The following HIBCH variants were observed in gnomAD, a reference collection of about 807,000 sequenced individuals.
HIBCH encodes the protein 3-hydroxyisobutyryl-CoA hydrolase, also known as 3-hydroxyisobutyryl-CoA hydrolase, mitochondrial.
In HIBCH, 50 loss-of-function variants were observed where a neutral mutation model predicts 58.2. That is an observed-to-expected ratio of 0.86 (90% CI 0.68 to 1.09). The LOEUF is 1.09. Ranked by LOEUF, HIBCH falls within the 50% of genes least tolerant of loss-of-function variation. The pLI, the probability that HIBCH is intolerant of heterozygous loss-of-function variation, is 0.00. For synonymous variants in HIBCH, 151 were observed against 146.9 expected (o/e 1.03, Z -0.20); for missense variants, 450 against 449.7 (o/e 1.00, Z -0.01).
intron 1 of HIBCH, among the ~76,000 whole-genome samples, chr2:190,191,261 G>A (rs778778359): frequency 2.2e-4 from 34 of 152,024 alleles, no homozygotes; most frequent in Non-Finnish European, 3.5e-4. Context: ...TCATGCCTCA[G>A]CCTCCCAAGC....
Position 190,237,951 on chromosome 2 carries a change from G to A in HIBCH, c.891+6936C>T, listed in dbSNP as rs912392709. On this transcript the variant is annotated intron_variant, in intron 11 of 13. Transcript: ENST00000359678. ...TTTTCTGTTCTTGTATTAGTTTGCC[G>A]AGAATGATGGTTTCCAGCTTCATCC... 9.2e-5 allele frequency among the ~76,000 whole-genome samples: 14 copies of A among 152,122 alleles called. No individual in the cohort carries two copies. In the East Asian group the frequency reaches 9.6e-4, roughly 10 times the overall value.
intron 9 of HIBCH, 86 bp from the exon 10 acceptor site, chr2:190,246,298 A>C: frequency 3.9e-6 from 3 of 770,016 alleles, no homozygotes; most frequent in Non-Finnish European, 6.6e-6. Flanking sequence ...ACTTTGTGAA[A>C]GATTGTCACT....
rs1687700384 is a variant in HIBCH at position 190,281,376 on chromosome 2, G to A, written c.438+6210C>T. ...TACCTGGGGCACTTGAGCCATAGCGGGGACAACTGAGGAGCACTGTGCTGG... is the reference window on the plus strand; with the variant it reads ...TACCTGGGGCACTTGAGCCATAGCGAGGACAACTGAGGAGCACTGTGCTGG... On this transcript the variant is annotated intron_variant, in intron 6 of 13. Transcript: ENST00000359678. The surrounding 1 kb of genome is among the most constrained non-coding windows in gnomAD (Gnocchi z 5.4). Among the ~76,000 whole-genome samples the A allele has an allele frequency of 1.3e-5, 2 of 152,258 alleles. No individual in the cohort carries two copies. The highest frequency in any genetic ancestry group is 6.5e-5 in the Admixed American group (1 of 15,300).
intron 12 of HIBCH, among the ~76,000 whole-genome samples, chr2:190,212,671 C>T (rs1192975797): frequency 6.6e-6 from 1 of 152,112 alleles, no homozygotes; most frequent in East Asian, 1.9e-4. Context: ...TCACAGAGAC[C>T]ATCGCTGAAA....
At chr2:190,296,154 C>T (rs1688097114) in intron 3 of HIBCH, among the ~76,000 whole-genome samples, 1 of 152,194 alleles carries the variant, frequency 6.6e-6, no homozygotes, top group Non-Finnish European at 1.5e-5. Flanking sequence ...GGTGCGGTGG[C>T]TCACGCCTGT....
chr2:190,296,094 AC>A (rs1688095746), intron 3 of HIBCH, among the ~76,000 whole-genome samples: 1 of 152,138 alleles, frequency 6.6e-6, no homozygotes, highest in Non-Finnish European at 1.5e-5. Flanking sequence ...AGGAAAGTTT[AC>A]GGCCTTCTCT....
chr2:190,296,355 G>T (rs977740003), intron 3 of HIBCH, among the ~76,000 whole-genome samples: 2 of 151,190 alleles, frequency 1.3e-5, no homozygotes, highest in Non-Finnish European at 2.9e-5. Context: ...GGGAGGTGGA[G>T]CTTGCAGTGA....
At position 190,243,978 on chromosome 2, in the gene HIBCH, G is replaced by A. The variant is rs566517229; in HGVS notation, c.891+909C>T. Among the ~76,000 whole-genome samples the A allele has an allele frequency of 3.3e-5, 5 of 151,924 alleles. No homozygotes were observed. Among genetic ancestry groups the A allele is most frequent in the East Asian group, 1.9e-4 (1 of 5,182 alleles). ...GGGCAAGATTCTGTCTCAAAAAAAC[G>A]AAAACAAAAAAAATACAGTGACAAT... is the stretch of plus-strand genomic sequence containing the variant. On this transcript the variant is annotated intron_variant, in intron 11 of 13. Transcript: ENST00000359678. The surrounding 1 kb of genome is among the most constrained non-coding windows in gnomAD (Gnocchi z 4.1).
chr2:190,257,643 C>G (rs1000089073), intron 7 of HIBCH, among the ~76,000 whole-genome samples: 5 of 152,104 alleles, frequency 3.3e-5, no homozygotes, highest in African/African-American at 1.2e-4. Flanking sequence ...CAGAATACCA[C>G]AGACCGGGGT....
At chr2:190,198,938 T>G, downstream of HIBCH, among the ~76,000 whole-genome samples, 1 of 152,174 alleles carries the variant, frequency 6.6e-6, no homozygotes, top group East Asian at 1.9e-4. Context: ...AATGAGACAT[T>G]TAGGAGGAAA....
At chr2:190,289,357 T>C (rs1687908381) in intron 5 of HIBCH, among the ~76,000 whole-genome samples, 1 of 152,190 alleles carries the variant, frequency 6.6e-6, no homozygotes. Flanking sequence ...AATTTATTTT[T>C]CCAACTATAT....
At chr2:190,317,123 G>A (rs892087859) in intron 1 of HIBCH, among the ~76,000 whole-genome samples, 2 of 152,042 alleles carry the variant, frequency 1.3e-5, no homozygotes, top group African/African-American at 4.8e-5. Context: ...GTCTTGCTAT[G>A]TTGCCCAGGA....
At chr2:190,241,727 A>C (rs1686460363) in intron 11 of HIBCH, among the ~76,000 whole-genome samples, 1 of 152,148 alleles carries the variant, frequency 6.6e-6, no homozygotes, top group Non-Finnish European at 1.5e-5. Flanking sequence ...TATGAAGCTT[A>C]GTTTGGCTGG....
At chr2:190,255,763 A>G (rs1686900825) in intron 7 of HIBCH, among the ~76,000 whole-genome samples, 2 of 152,138 alleles carry the variant, frequency 1.3e-5, no homozygotes, top group East Asian at 3.9e-4. Context: ...CAGAGCGGAG[A>G]GAGCTGCAGA....
chr2:190,190,548 A>C (rs932807097), intron 1 of HIBCH, among the ~76,000 whole-genome samples: 8 of 152,160 alleles, frequency 5.3e-5, no homozygotes, highest in African/African-American at 1.7e-4. Context: ...CTGTGTTTCC[A>C]TTTGTCTTAG....
Position 190,246,199 on chromosome 2 carries a change from C to T in HIBCH, c.764G>A (p.Arg255Gln), listed in dbSNP as rs775698881. ...ENYHTESKID[R>Q]DKSFILEEHM... ...TTCCTCAAGTATAAAAGACTTGTCT[C>T]GATCAATCTTAGACTGTTTGAAAAG... The change falls in exon 10 of 14, where the codon CGA becomes CAA. Residue 255 changes from arginine to glutamine, a missense_variant. Physicochemically the swap from Arg to Gln is conservative, Grantham distance 43. Transcript: ENST00000359678. 1.3e-5 allele frequency: 20 copies of T among 1,591,780 alleles called. No homozygotes were observed. The highest frequency in any genetic ancestry group is 1.6e-5 in the Non-Finnish European group (19 of 1,161,120).
intron 6 of HIBCH, among the ~76,000 whole-genome samples, chr2:190,270,640 T>G (rs1426469131): frequency 6.6e-6 from 1 of 152,224 alleles, no homozygotes; most frequent in East Asian, 1.9e-4. Context: ...ATAGCACCAT[T>G]TCAATTTCTT....
chr2:190,281,234 C>G lies in HIBCH; in HGVS notation c.438+6352G>C, dbSNP rs1353378215. ...GACTGTCTAATATATCCTTTGAAATCTAGGGAGAGGCTCACATGCCTTCCT... is the reference window on the plus strand; with the variant it reads ...GACTGTCTAATATATCCTTTGAAATGTAGGGAGAGGCTCACATGCCTTCCT... On this transcript the variant is annotated intron_variant, in intron 6 of 13. Transcript: ENST00000359678. This position sits in a 1 kb window ranked among gnomAD's most constrained non-coding sequence, Gnocchi z 5.4. The G allele has an allele frequency of 6.6e-6, 1 of 152,312 alleles. No individual in the cohort carries two copies. Among genetic ancestry groups the G allele is most frequent in the East Asian group, 1.9e-4 (1 of 5,196 alleles). 9.4% of individuals were successfully genotyped at this position (152,312 alleles called of 1,614,324 possible).
At chr2:190,264,281 CT>C (rs77210596) in intron 6 of HIBCH, among the ~76,000 whole-genome samples, 575 of 143,828 alleles carry the variant, frequency 4.0e-3, no homozygotes, top group African/African-American at 7.7e-3. Context: ...TTTTTTCTTT[CT>C]TTTTTTTTTT....
Sources: allele counts gnomAD v4.1 joint callset (sites outside exome capture counted in the v4.1 genomes callset), GRCh38; gene constraint gnomAD v4.1.1; non-coding constraint Gnocchi (gnomAD v3.1); transcripts MANE v1.5; gene names NCBI Gene and HGNC (gene_info 2026-07-23, HGNC 2026-07-21).